Variants in AFF1 observed in about 807,000 individuals in gnomAD.
AFF1 encodes ALF transcription elongation factor 1, also known as AF4/FMR2 family member 1.
AFF1 carries 48 observed loss-of-function variants against 121.7 expected under a neutral mutation model. The ratio of observed to expected loss-of-function variants is 0.39; its 90% CI spans 0.31 to 0.50. The LOEUF is 0.50. Ranked by LOEUF, AFF1 falls within the 20% of genes least tolerant of loss-of-function variation. The pLI, the probability that AFF1 is intolerant of heterozygous loss-of-function variation, is 0.76. For synonymous variants in AFF1, 613 were observed against 563.0 expected, an observed-to-expected ratio of 1.09 and a Z score of -1.26; for missense variants, 1,523 against 1,511.7, an observed-to-expected ratio of 1.01 and a Z score of -0.12.
intron 4 of AFF1, among the ~76,000 whole-genome samples, chr4:87,059,337 C>T (rs1193551783): frequency 1.3e-5 from 2 of 152,200 alleles, no homozygotes; most frequent in African/African-American, 4.8e-5. Flanking sequence ...AGAATGTTCT[C>T]CTTCCTCCTG....
intron 4 of AFF1, among the ~76,000 whole-genome samples, chr4:87,049,019 G>C (rs1320271940): frequency 7.9e-6 from 1 of 126,132 alleles, no homozygotes. Flanking sequence ...AGGCAATAAA[G>C]AACTCAATGA....
At chr4:87,015,657 C>T (rs1727220462) in intron 2 of AFF1, among the ~76,000 whole-genome samples, 1 of 152,168 alleles carries the variant, frequency 6.6e-6, no homozygotes, top group South Asian at 2.1e-4. Context: ...GAGGGGCCTC[C>T]TCTTAAAAAC....
intron 2 of AFF1, among the ~76,000 whole-genome samples, chr4:87,012,195 A>T (rs577559226): frequency 4.8e-4 from 71 of 149,016 alleles, no homozygotes; most frequent in Non-Finnish European, 8.6e-4. Context: ...GTTTTCTGTT[A>T]GCAAACTTCT....
intron 19 of AFF1, among the ~76,000 whole-genome samples, chr4:87,132,859 A>G (rs898331273): frequency 1.2e-4 from 18 of 152,200 alleles, no homozygotes; most frequent in African/African-American, 4.3e-4. Context: ...ATGCCCAGCT[A>G]ATTTTTGTAT....
chr4:86,939,577 G>T (rs1374936), intron 1 of AFF1, among the ~76,000 whole-genome samples: 11 of 152,170 alleles, frequency 7.2e-5, no homozygotes, highest in African/African-American at 2.7e-4. Context: ...AAATTAAATA[G>T]AGGGCCTTAC....
intron 4 of AFF1, among the ~76,000 whole-genome samples, chr4:87,052,681 A>T (rs1731394311): frequency 6.6e-6 from 1 of 151,440 alleles, no homozygotes; most frequent in African/African-American, 2.4e-5. Context: ...GAAATGGATG[A>T]GAGGGGCAAA....
chr4:87,138,360 A>G lies in AFF1; in HGVS notation c.*2659A>G, dbSNP rs1369189089. ...CTGAGGTAGATCATTTGAAAGGGCT[A>G]GATTATAAAATTAAGCCTTAGAGTA... On this transcript the variant is annotated 3_prime_UTR_variant, in exon 21 of 21. Coordinates refer to ENST00000395146, the MANE Select transcript of AFF1 (RefSeq NM_001166693.3). The G allele has an allele frequency of 8.6e-6, 2 of 232,078 alleles. No homozygotes were observed. Among genetic ancestry groups the G allele is most frequent in the African/African-American group, 2.2e-5 (1 of 45,240 alleles). 14.4% of individuals were successfully genotyped at this position (232,078 alleles called of 1,614,324 possible). A position where few individuals can be genotyped will look rare whatever the true frequency, so the allele number is the denominator to read the frequency against.
intron 2 of AFF1, among the ~76,000 whole-genome samples, chr4:87,033,459 T>C (rs1729262273): frequency 6.6e-6 from 1 of 152,222 alleles, no homozygotes; most frequent in South Asian, 2.1e-4. Flanking sequence ...CCTTTTGGAA[T>C]GGTAAATCCT....
At chr4:87,085,484 CTG>C (rs1257235652) in intron 5 of AFF1, among the ~76,000 whole-genome samples, 5 of 150,618 alleles carry the variant, frequency 3.3e-5, no homozygotes, top group African/African-American at 7.3e-5. Flanking sequence ...ATAAATGTGA[CTG>C]TTAATTTGAA....
chr4:87,096,145 C>T (rs1052931593), intron 8 of AFF1, among the ~76,000 whole-genome samples: 4 of 152,036 alleles, frequency 2.6e-5, no homozygotes, highest in Non-Finnish European at 4.4e-5. Flanking sequence ...AACAAGAAGA[C>T]GAGGTGTTTT....
At chr4:87,051,541 A>G (rs1235480752) in intron 4 of AFF1, among the ~76,000 whole-genome samples, 1 of 150,582 alleles carries the variant, frequency 6.6e-6, no homozygotes, top group African/African-American at 2.4e-5. Context: ...GCTCACTGCA[A>G]CCTCCACCTC....
intron 5 of AFF1, among the ~76,000 whole-genome samples, chr4:87,085,024 A>T (rs1215758436): frequency 6.6e-6 from 1 of 152,242 alleles, no homozygotes; most frequent in Non-Finnish European, 1.5e-5. Context: ...TGGGAAGTAG[A>T]TGGTCATCTT....
At chr4:87,064,555 A>G (rs1009607020) in intron 4 of AFF1, among the ~76,000 whole-genome samples, 2 of 152,210 alleles carry the variant, frequency 1.3e-5, no homozygotes, top group Non-Finnish European at 2.9e-5. Flanking sequence ...CAACCTGGAC[A>G]ACATGGTGAG....
At chr4:87,090,510 T>A (rs147204042) in intron 6 of AFF1, among the ~76,000 whole-genome samples, 2 of 152,368 alleles carry the variant, frequency 1.3e-5, no homozygotes, top group East Asian at 3.9e-4. Flanking sequence ...CTGACTTGTG[T>A]GTTTCTGTTA....
At chr4:86,979,454 A>G (rs922830501) in intron 2 of AFF1, among the ~76,000 whole-genome samples, 2 of 152,194 alleles carry the variant, frequency 1.3e-5, no homozygotes, top group East Asian at 1.9e-4. Context: ...TCCTCAATAA[A>G]TAGGTGTTGA....
chr4:87,020,017 T>TGTG (rs35378081), intron 2 of AFF1, among the ~76,000 whole-genome samples: 132,774 of 150,750 alleles, frequency 0.88, 59,018 homozygotes, highest in Non-Finnish European at 0.96. Flanking sequence ...TGACGATTGT[T>TGTG]GTGTGAGAGC....
intron 4 of AFF1, among the ~76,000 whole-genome samples, chr4:87,083,140 A>G (rs1723339533): frequency 6.6e-6 from 1 of 152,194 alleles, no homozygotes; most frequent in Admixed American, 6.5e-5. Context: ...ATTGATTTTA[A>G]TTTAACTTTG....
chr4:87,007,441 A>C lies in AFF1; in HGVS notation c.39-38725A>C, dbSNP rs200740475. 208 of 1,613,972 alleles carry C rather than the reference A, an allele frequency of 1.3e-4. No homozygotes were observed. The African/African-American group carries it at 2.5e-3, about 19-fold the overall frequency. ...CCAGTCAAGGTAAGCCGTGCACCGG[A>C]GAAACTTTTCAAACGCGTTCGTGGC... On this transcript the variant is annotated intron_variant, in intron 2 of 20. Coordinates refer to ENST00000395146, the MANE Select transcript of AFF1 (RefSeq NM_001166693.3).
At chr4:87,011,094 AAAAG>A (rs1399889334) in intron 2 of AFF1, among the ~76,000 whole-genome samples, 9 of 149,808 alleles carry the variant, frequency 6.0e-5, no homozygotes, top group Non-Finnish European at 1.0e-4. Context: ...AAAAAAAAAA[AAAAG>A]AAAAAAAAAA....
Sources: allele counts gnomAD v4.1 joint callset (sites outside exome capture counted in the v4.1 genomes callset), GRCh38; gene constraint gnomAD v4.1.1; transcripts MANE v1.5; gene names NCBI Gene and HGNC (gene_info 2026-07-23, HGNC 2026-07-21).